Variants in CDH12 observed in about 807,000 individuals in gnomAD.
CDH12 encodes the protein cadherin 12, also known as cadherin-12.
A neutral mutation model predicts 74.1 loss-of-function variants in CDH12; 41 were observed. The ratio of observed to expected loss-of-function variants is 0.55; its 90% confidence interval spans 0.43 to 0.72. The LOEUF (loss-of-function observed/expected upper bound fraction) is 0.72, where lower values mean the gene tolerates loss of function less well. Ranked by LOEUF, CDH12 falls within the 30% of genes least tolerant of loss-of-function variation. The pLI, the probability that CDH12 is intolerant of heterozygous loss-of-function variation, is 0.00. For missense variants in CDH12, 945 were observed against 977.2 expected, an observed-to-expected ratio of 0.97 and a Z score of 0.44; for synonymous variants, 399 against 355.0, an observed-to-expected ratio of 1.12 and a Z score of -1.39.
chr5:22,062,335 T>C lies in CDH12; in HGVS notation c.231+16111A>G, dbSNP rs183795560. The stretch of plus-strand genomic sequence containing the variant: ...TTGCCAGGAACATTAGTATATTGTG[T>C]CATTTCTTTGCTCAAATTCAATTTT... On this transcript the variant is annotated intron_variant, in intron 5 of 14. Transcript: ENST00000382254. Among the ~76,000 whole-genome samples, 253 of 152,252 alleles carry C rather than the reference T, an allele frequency of 1.7e-3. 1 individual carries two copies. The highest frequency in any genetic ancestry group is 5.7e-3 in the African/African-American group (237 of 41,576).
At chr5:21,908,344 AG>A (rs1753730040) in intron 6 of CDH12, among the ~76,000 whole-genome samples, 1 of 152,192 alleles carries the variant, frequency 6.6e-6, no homozygotes. Flanking sequence ...TTTAAAAACT[AG>A]AATAGGCAAT....
At chr5:22,764,491 A>G (rs1452479196) in intron 1 of CDH12, among the ~76,000 whole-genome samples, 4 of 152,022 alleles carry the variant, frequency 2.6e-5, no homozygotes, top group African/African-American at 4.8e-5. Context: ...TCCCTACCAT[A>G]GAATCATAAA....
intron 4 of CDH12, among the ~76,000 whole-genome samples, chr5:22,207,074 C>T (rs2150359316): frequency 6.6e-6 from 1 of 151,464 alleles, no homozygotes; most frequent in South Asian, 2.1e-4. Context: ...AAAAAATTAG[C>T]CGGTCATGGT....
intron 1 of CDH12, among the ~76,000 whole-genome samples, chr5:22,806,600 C>T (rs1347642742): frequency 2.6e-5 from 4 of 151,950 alleles, no homozygotes; most frequent in African/African-American, 7.2e-5. Context: ...GTGATCCGCC[C>T]GCCTCGGCCT....
At chr5:22,421,075 C>G (rs1347235840) in intron 2 of CDH12, among the ~76,000 whole-genome samples, 1 of 152,104 alleles carries the variant, frequency 6.6e-6, no homozygotes, top group Non-Finnish European at 1.5e-5. Flanking sequence ...TGTTTATCAG[C>G]TTAAGAAGCT....
intron 1 of CDH12, among the ~76,000 whole-genome samples, chr5:22,650,778 T>A (rs527944819): frequency 6.6e-6 from 1 of 152,068 alleles, no homozygotes; most frequent in African/African-American, 2.4e-5. Context: ...ACAACATCAA[T>A]ATCAGAAACT....
intron 14 of CDH12, among the ~76,000 whole-genome samples, chr5:21,752,835 G>A (rs1744176402): frequency 6.6e-6 from 1 of 151,802 alleles, no homozygotes; most frequent in Admixed American, 6.6e-5. Context: ...AAGGAAGGAA[G>A]GAAGATGTTA....
intron 5 of CDH12, among the ~76,000 whole-genome samples, chr5:22,077,658 T>C (rs1456897805): frequency 1.3e-5 from 2 of 152,102 alleles, no homozygotes; most frequent in African/African-American, 2.4e-5. Flanking sequence ...TTTGGTGTGG[T>C]GGACAAGTTA....
At chr5:22,833,380 C>T (rs2126505367) in intron 1 of CDH12, among the ~76,000 whole-genome samples, 1 of 152,220 alleles carries the variant, frequency 6.6e-6, no homozygotes, top group South Asian at 2.1e-4. Context: ...CTTACAGCCA[C>T]CTGTTTTGTG....
At chr5:22,336,587 TGGCTTCA>T (rs1163344961) in intron 3 of CDH12, among the ~76,000 whole-genome samples, 1 of 152,236 alleles carries the variant, frequency 6.6e-6, no homozygotes, top group Non-Finnish European at 1.5e-5. Context: ...GCTTGGGCCA[TGGCTTCA>T]GAGGGTGCAA....
chr5:22,564,125 A>G (rs1025172115), intron 1 of CDH12, among the ~76,000 whole-genome samples: 1 of 152,134 alleles, frequency 6.6e-6, no homozygotes, highest in African/African-American at 2.4e-5. Flanking sequence ...GAAGCTATCA[A>G]TTTTCTGATC....
intron 6 of CDH12, among the ~76,000 whole-genome samples, chr5:21,947,813 G>A (rs1395579684): frequency 1.3e-5 from 2 of 152,176 alleles, no homozygotes; most frequent in Non-Finnish European, 2.9e-5. Context: ...CGGCCTCTGA[G>A]GAAAAAAGGT....
chr5:22,077,772 T>G (rs1742432223), intron 5 of CDH12, among the ~76,000 whole-genome samples: 1 of 152,132 alleles, frequency 6.6e-6, no homozygotes, highest in African/African-American at 2.4e-5. Context: ...TGAAAAAAAT[T>G]AAATTTCCAT....
chr5:22,132,122 T>C (rs1746208523), intron 4 of CDH12, among the ~76,000 whole-genome samples: 1 of 151,954 alleles, frequency 6.6e-6, no homozygotes, highest in Non-Finnish European at 1.5e-5. Flanking sequence ...ATTAGATAGA[T>C]CACAGATACA....
chr5:21,844,220 C>T (rs1272405973), intron 7 of CDH12, among the ~76,000 whole-genome samples: 1 of 151,980 alleles, frequency 6.6e-6, no homozygotes, highest in Admixed American at 6.6e-5. Context: ...TTGAGAAATT[C>T]ATAAAAATGG....
chr5:22,360,742 G>C (rs1437724892), intron 3 of CDH12, among the ~76,000 whole-genome samples: 2 of 152,228 alleles, frequency 1.3e-5, no homozygotes, highest in South Asian at 2.1e-4. Flanking sequence ...ATGATCAAGT[G>C]GGCTTCATCC....
rs377016972 is a variant in CDH12, at chr5:22,343,323, C to CAGAGAG, written c.-333+61928_-333+61933dup. Among the ~76,000 whole-genome samples the CAGAGAG allele has an allele frequency of 5.0e-3, 675 of 136,330 alleles. 6 individuals are homozygous for CAGAGAG. The highest frequency in any genetic ancestry group is 0.011 in the African/African-American group (376 of 34,480). The allele number at this position is 136,330 out of a possible 152,430, so 89.4% of individuals were successfully genotyped here. A position where few individuals can be genotyped will look rare whatever the true frequency, so the allele number is the denominator to read the frequency against. On this transcript the variant is annotated intron_variant, in intron 3 of 14. Transcript: ENST00000382254. ...ACACACACACACACAGACACACACA[C>CAGAGAG]AGAGAGAGAGAGAGAGAGAGAGAGA... is the stretch of plus-strand genomic sequence containing the variant.
intron 9 of CDH12, among the ~76,000 whole-genome samples, chr5:21,810,631 T>C (rs1747697706): frequency 6.6e-6 from 1 of 152,072 alleles, no homozygotes; most frequent in African/African-American, 2.4e-5. Flanking sequence ...AGTGGTTACG[T>C]TGATTTAGGG....
At position 22,380,812 on chromosome 5, in the gene CDH12, A is replaced by G. The variant is rs544361499; in HGVS notation, c.-333+24445T>C. On this transcript the variant is annotated intron_variant, in intron 3 of 14. Coordinates refer to ENST00000382254, the MANE Select transcript of CDH12 (RefSeq NM_004061.5). ...AGCTCATTTTTATGTAAACAGGGTA[A>G]TTAATACAGAAATCTCAAACTCTCT... Among the ~76,000 whole-genome samples the G allele has an allele frequency of 6.6e-5, 10 of 152,252 alleles. No homozygotes were observed. In the South Asian group the frequency reaches 2.1e-3, roughly 32 times the overall value.
Sources: gnomAD v4.1 joint callset for allele counts (sites outside exome capture counted in the v4.1 genomes callset) on GRCh38, gnomAD v4.1.1 for gene constraint, MANE v1.5 for transcripts, NCBI Gene and HGNC (gene_info 2026-07-23, HGNC 2026-07-21) for gene names.